The following RGPD1 variants were observed in gnomAD, a reference collection of about 807,000 sequenced individuals.
The protein encoded by RGPD1 is RANBP2-like and GRIP domain-containing protein 1.
A neutral mutation model predicts 40.6 loss-of-function variants in RGPD1; 7 were observed. That is an observed-to-expected ratio of 0.17 (90% confidence interval 0.10 to 0.32). The LOEUF is 0.32. Among genes scored for constraint, RGPD1 ranks in the 10% least tolerant of loss-of-function variants. The probability of loss-of-function intolerance (pLI) is 1.00; values close to 1 mark genes in which losing one functional copy is unlikely to be tolerated. For missense variants in RGPD1, 50 were observed against 472.5 expected, an observed-to-expected ratio of 0.11 and a Z score of 8.29; for synonymous variants, 24 against 167.0, an observed-to-expected ratio of 0.14 and a Z score of 6.60.
chr2:86,944,966 G>C (rs544354226), intron 1 of RGPD1, among the ~76,000 whole-genome samples: 4 of 150,406 alleles, frequency 2.7e-5, no homozygotes, highest in African/African-American at 9.8e-5. Context: ...TGATCCTCTC[G>C]CCTTGGCCAC....
chr2:86,933,457 G>A (rs569542155), intron 1 of RGPD1, among the ~76,000 whole-genome samples: 3 of 148,270 alleles, frequency 2.0e-5, no homozygotes, highest in African/African-American at 4.9e-5. Flanking sequence ...ATTCTGCTTT[G>A]TATTTTTCAT....
At chr2:86,940,706 C>T (rs1018582995), upstream of RGPD1, among the ~76,000 whole-genome samples, 1 of 152,102 alleles carries the variant, frequency 6.6e-6, no homozygotes, top group African/African-American at 2.4e-5. Context: ...AGGGATGTTC[C>T]CCCCTCTGCC....
intron 1 of RGPD1, among the ~76,000 whole-genome samples, chr2:86,933,195 C>T (rs1281460025): frequency 1.3e-5 from 2 of 150,236 alleles, no homozygotes; most frequent in African/African-American, 2.4e-5. Context: ...GGTTTTCCTC[C>T]TCGTAAAATT....
rs1204179315 is a variant in RGPD1 at position 86,936,010 on chromosome 2, A to AT, written c.73-15274dup. Among the ~76,000 whole-genome samples, 57 of 110,334 alleles carry AT rather than the reference A, an allele frequency of 5.2e-4. 3 individuals are homozygous for AT. Among genetic ancestry groups the AT allele is most frequent in the African/African-American group, 6.6e-4 (21 of 32,002 alleles). The allele number at this position is 110,334 out of a possible 152,430, so 72.4% of individuals were successfully genotyped here. On this transcript the variant is annotated intron_variant, in intron 1 of 22. Transcript: ENST00000398193. ...CAAAAACAAATTTGTTGGAAAAAAAATTTTTTTTTTTTGAGATGGAGTCTC... is the reference window on the plus strand; with the variant it reads ...CAAAAACAAATTTGTTGGAAAAAAAATTTTTTTTTTTTTGAGATGGAGTCTC...
At chr2:86,923,312 T>C (rs991835977) in intron 1 of RGPD1, among the ~76,000 whole-genome samples, 4 of 151,720 alleles carry the variant, frequency 2.6e-5, no homozygotes, top group Non-Finnish European at 5.9e-5. Flanking sequence ...AGTGCTGGGA[T>C]TACAGGCATG....
At chr2:86,942,093 A>G (rs1679820687), upstream of RGPD1, 2 of 1,148,772 alleles carry the variant, frequency 1.7e-6, no homozygotes, top group Non-Finnish European at 2.4e-6. Flanking sequence ...AAGGATACAC[A>G]GTGCTGACGC....
intron 1 of RGPD1, among the ~76,000 whole-genome samples, chr2:86,943,409 C>G (rs1274852359): frequency 6.6e-6 from 1 of 151,492 alleles, no homozygotes; most frequent in Non-Finnish European, 1.5e-5. Context: ...GGTATTTTTC[C>G]TCTTTACAGG....
chr2:87,007,462 C>A (rs1233118256), intron 22 of RGPD1, among the ~76,000 whole-genome samples: 1 of 152,280 alleles, frequency 6.6e-6, no homozygotes, highest in Non-Finnish European at 1.5e-5. Context: ...ACTGCAACCT[C>A]CACTTCCGAG....
At chr2:86,943,176 C>G (rs963821517) in intron 1 of RGPD1, among the ~76,000 whole-genome samples, 1 of 150,952 alleles carries the variant, frequency 6.6e-6, no homozygotes, top group South Asian at 2.1e-4. Flanking sequence ...AGTGGCCCGA[C>G]GGCGCAAATG....
In RGPD1 at chr2:86,914,933, G is replaced by GGGC. The variant is rs560666847; in HGVS notation, c.72+1031_72+1033dup. Among the ~76,000 whole-genome samples, 29 of 74,654 alleles carry GGGC rather than the reference G, an allele frequency of 3.9e-4. 9 individuals carry two copies. The highest frequency in any genetic ancestry group is 2.3e-3 in the African/African-American group (21 of 9,070). 49.0% of individuals were successfully genotyped at this position (74,654 alleles called of 152,430 possible). A position where few individuals can be genotyped will look rare whatever the true frequency, so the allele number is the denominator to read the frequency against. Reference sequence around the variant, plus strand: ...CGGAGGCGGCGGCCTCGACCTGGCCGGGCGGCGGCGGCGGCGGCGGCCTGG... The same window carrying GGGC: ...CGGAGGCGGCGGCCTCGACCTGGCCGGGCGGCGGCGGCGGCGGCGGCGGCCTGG... On this transcript the variant is annotated intron_variant, in intron 1 of 22. Coordinates refer to the RGPD1 transcript ENST00000398193.
intron 1 of RGPD1, among the ~76,000 whole-genome samples, chr2:86,925,647 A>G (rs1479404079): frequency 6.6e-6 from 1 of 152,238 alleles, no homozygotes; most frequent in Non-Finnish European, 1.5e-5. Flanking sequence ...TATGATTTAT[A>G]TTTACAATTG....
chr2:86,943,167 G>A (rs1222833028), intron 1 of RGPD1, among the ~76,000 whole-genome samples: 1 of 151,306 alleles, frequency 6.6e-6, no homozygotes, highest in Non-Finnish European at 1.5e-5. Context: ...GACATTTGCA[G>A]TGGCCCGACG....
At chr2:86,915,285 G>A (rs1409884660) in intron 1 of RGPD1, among the ~76,000 whole-genome samples, 3 of 150,930 alleles carry the variant, frequency 2.0e-5, no homozygotes, top group African/African-American at 4.9e-5. Flanking sequence ...GATAGAGTTA[G>A]GGTTAGGGTT....
rs1222939349 is a variant in RGPD1 at position 86,998,511 on chromosome 2, C to CA, written c.5236+806dup. Among the ~76,000 whole-genome samples the CA allele has an allele frequency of 1.3e-3, 8 of 6,152 alleles. 4 individuals carry two copies. Among genetic ancestry groups the CA allele is most frequent in the Non-Finnish European group, 2.6e-3 (8 of 3,060 alleles). The allele number at this position is 6,152 out of a possible 152,430, so 4.0% of individuals were successfully genotyped here. A position where few individuals can be genotyped will look rare whatever the true frequency, so the allele number is the denominator to read the frequency against. On this transcript the variant is annotated intron_variant, in intron 22 of 22. Transcript: ENST00000641458. The stretch of plus-strand genomic sequence containing the variant: ...TGACGGCAGAGCGAGACTCCCATCT[C>CA]AAAAAAAAAAAAAAAAAAAAAAAAA...
chr2:86,930,724 C>T (rs1352327193), intron 1 of RGPD1: 33 of 1,534,296 alleles, frequency 2.2e-5, no homozygotes, highest in East Asian at 9.7e-5. Context: ...CAGGCCTCCT[C>T]GCTGCCGTTC....
chr2:86,944,344 G>A (rs1573613098), intron 1 of RGPD1, among the ~76,000 whole-genome samples: 1 of 152,052 alleles, frequency 6.6e-6, no homozygotes, highest in East Asian at 1.9e-4. Flanking sequence ...TGATGATAGA[G>A]TCTAAAACAG....
chr2:86,915,435 G>C (rs1375894578), intron 1 of RGPD1, among the ~76,000 whole-genome samples: 1 of 135,482 alleles, frequency 7.4e-6, no homozygotes, highest in African/African-American at 2.8e-5. Context: ...ACAAGGCCAG[G>C]TACCTAGAAG....
rs1474666786 is a variant in RGPD1 at position 87,013,492 on chromosome 2, C to T, written c.*945C>T. The T allele has an allele frequency of 3.5e-5, 5 of 141,526 alleles. 1 individual carries two copies. The highest frequency in any genetic ancestry group is 7.0e-5 in the Non-Finnish European group (5 of 71,378). The allele number at this position is 141,526 out of a possible 1,614,324, so 8.8% of individuals were successfully genotyped here. ...GAGATCACTTGATGATACATGGATACATGTTACATACATGATGAGACAGAG... is the reference window on the plus strand; with the variant it reads ...GAGATCACTTGATGATACATGGATATATGTTACATACATGATGAGACAGAG... On this transcript the variant is annotated 3_prime_UTR_variant, in exon 23 of 23. Coordinates refer to ENST00000641458, the MANE Select transcript of RGPD1 (RefSeq NM_001382344.1).
At chr2:86,928,824 G>C (rs1204848868) in intron 1 of RGPD1, among the ~76,000 whole-genome samples, 1 of 152,126 alleles carries the variant, frequency 6.6e-6, no homozygotes, top group African/African-American at 2.4e-5. Flanking sequence ...TAGTTGAAAT[G>C]AATGATACCA....
Sources: allele counts gnomAD v4.1 joint callset (sites outside exome capture counted in the v4.1 genomes callset), GRCh38; gene constraint gnomAD v4.1.1; transcripts MANE v1.5; gene names NCBI Gene and HGNC (gene_info 2026-07-23, HGNC 2026-07-21).